Variants in NUP88 observed in about 807,000 individuals in gnomAD.
NUP88 encodes the protein nucleoporin 88.
A neutral mutation model predicts 93.9 loss-of-function variants in NUP88; 57 were observed. The observed-to-expected ratio is 0.61, with a 90% confidence interval of 0.49 to 0.76. NUP88 has a LOEUF of 0.76. Ranked by LOEUF, NUP88 falls within the 30% of genes least tolerant of loss-of-function variation. The probability of loss-of-function intolerance (pLI) is 0.00; values close to 1 mark genes in which losing one functional copy is unlikely to be tolerated. For missense variants in NUP88, 911 were observed against 901.0 expected (o/e 1.01, Z -0.14); for synonymous variants, 346 against 336.8 (o/e 1.03, Z -0.30).
chr17:5,419,151 A>T (rs897918258), intron 1 of NUP88, among the ~76,000 whole-genome samples: 1 of 152,254 alleles, frequency 6.6e-6, no homozygotes, highest in Non-Finnish European at 1.5e-5. Context: ...TTTATTGAAT[A>T]TTCAATGACC....
At position 5,410,703 on chromosome 17, in the gene NUP88, C is replaced by G. The variant is rs1260750083; in HGVS notation, c.680G>C (p.Gly227Ala). 1 of 1,566,464 alleles carries G rather than the reference C, an allele frequency of 6.4e-7. No individual in the cohort carries two copies. Among genetic ancestry groups the G allele is most frequent in the Non-Finnish European group, 8.7e-7 (1 of 1,144,002 alleles). The part of the protein sequence containing the change: ...AEEESLVLNK[G>A]RAYTASLGET... ...TTTCAAGACTCAAATAAAAACTTAC[C>G]CTTTATTGAGTACTAGACTTTCCTC... Residue 227 changes from glycine to alanine, a missense_variant and splice_region_variant, in exon 4 of 17, where the codon GGA (glycine) becomes GCA (alanine). Gly to Ala is a moderately conservative substitution (Grantham distance 60, BLOSUM62 0). Transcript: ENST00000573584.
At position 5,386,840 on chromosome 17, in the gene NUP88, A is replaced by G. The variant is rs1285792100; in HGVS notation, c.2044-14T>C. 1.3e-6 allele frequency: 2 copies of G among 1,596,992 alleles called. No individual in the cohort carries two copies. Among genetic ancestry groups the G allele is most frequent in the African/African-American group, 1.3e-5 (1 of 74,550 alleles). On this transcript the variant is annotated splice_polypyrimidine_tract_variant and intron_variant, in intron 15 of 16. Transcript: ENST00000573584. Reference sequence around the variant, plus strand: ...TTTCATAGTAACCTTAAGTATTAAAATAATAGATATTTTGGCAGTGGTTTG... The same window carrying G: ...TTTCATAGTAACCTTAAGTATTAAAGTAATAGATATTTTGGCAGTGGTTTG...
At chr17:5,398,292 T>C (rs1912911449) in intron 8 of NUP88, among the ~76,000 whole-genome samples, 1 of 151,770 alleles carries the variant, frequency 6.6e-6, no homozygotes, top group African/African-American at 2.4e-5. Context: ...TGTGTCAGTT[T>C]TTGTTTGTTT....
chr17:5,400,350 G>C (rs1434740579), intron 7 of NUP88, among the ~76,000 whole-genome samples: 3 of 151,640 alleles, frequency 2.0e-5, no homozygotes, highest in African/African-American at 7.3e-5. Flanking sequence ...ACAAAAATTA[G>C]CTGGCCGTGG....
In NUP88 at chr17:5,416,158, A is replaced by AGTATATATATAT. The variant is rs1398677145; in HGVS notation, c.467+354_467+355insATATATATATAC. On this transcript the variant is annotated intron_variant, in intron 2 of 16. Coordinates refer to ENST00000573584, the MANE Select transcript of NUP88 (RefSeq NM_002532.6). ...AGACTCCATCTCAAAAAAAAAAAAA[A>AGTATATATATAT]AAAAAAAAGTATATATATATATACA... Among the ~76,000 whole-genome samples the AGTATATATATAT allele has an allele frequency of 8.4e-3, 784 of 93,238 alleles. 20 individuals are homozygous for AGTATATATATAT. The highest frequency in any genetic ancestry group is 0.081 in the East Asian group (135 of 1,674). 61.2% of individuals were successfully genotyped at this position (93,238 alleles called of 152,430 possible). A position where few individuals can be genotyped will look rare whatever the true frequency, so the allele number is the denominator to read the frequency against.
chr17:5,403,087 T>C (rs1022798988), intron 7 of NUP88, among the ~76,000 whole-genome samples: 1 of 152,198 alleles, frequency 6.6e-6, no homozygotes, highest in Non-Finnish European at 1.5e-5. Flanking sequence ...TCACATCTGT[T>C]ATCCCAGTAC....
intron 11 of NUP88, chr17:5,388,572 G>C: frequency 2.5e-6 from 1 of 398,512 alleles, no homozygotes; most frequent in Non-Finnish European, 4.5e-6. Context: ...ACAGGTGTGA[G>C]CCACCACGCC....
At position 5,386,013 on chromosome 17, in the gene NUP88, G is replaced by A; in HGVS notation, c.*193C>T. 1.9e-6 allele frequency: 1 copy of A among 538,698 alleles called. No homozygotes were observed. The highest frequency in any genetic ancestry group is 3.2e-6 in the Non-Finnish European group (1 of 308,658). The allele number at this position is 538,698 out of a possible 1,614,324, so 33.4% of individuals were successfully genotyped here. On this transcript the variant is annotated 3_prime_UTR_variant, in exon 17 of 17. Coordinates refer to ENST00000573584, the MANE Select transcript of NUP88 (RefSeq NM_002532.6). ...TTGCTGAACACAACTGTAGGCTTGA[G>A]TTATAAAGCACATTCCAAATTTTAA...
chr17:5,391,557 G>A lies in NUP88; in HGVS notation c.1484+4C>T, dbSNP rs377758868. On this transcript the variant is annotated splice_donor_region_variant and intron_variant, in intron 10 of 16. Coordinates refer to ENST00000573584, the MANE Select transcript of NUP88 (RefSeq NM_002532.6). ...CTGTGTGGAGAATATAAAATGGGAC[G>A]TACAATAACGGCCATATGAGGCATT... is the stretch of plus-strand genomic sequence containing the variant. 133 of 1,606,984 alleles carry A rather than the reference G, an allele frequency of 8.3e-5. No individual in the cohort carries two copies. The highest frequency in any genetic ancestry group is 4.5e-4 in the Admixed American group (27 of 59,984).
intron 14 of NUP88, 35 bp downstream of exon 14, chr17:5,387,351 T>G (rs760054502): frequency 1.9e-6 from 3 of 1,556,388 alleles, no homozygotes; most frequent in Non-Finnish European, 2.7e-6. Flanking sequence ...TGTTAGTACC[T>G]GACTAGGTAA....
Position 5,388,849 on chromosome 17 carries a change from A to G in NUP88, c.1596T>C (p.His532=). The change falls in exon 11 of 17, where the codon CAT becomes CAC. Residue 532 remains histidine, a synonymous_variant. Transcript: ENST00000573584. ...CACTACGTTGCAAAATGCTTCTAAT[A>G]TGCTTTTCAAAGGAATCTGGGGTTT... ...LAETPDSFEK[H]IRSILQRSVA... The G allele has an allele frequency of 6.2e-7, 1 of 1,614,108 alleles. No individual in the cohort carries two copies. Among genetic ancestry groups the G allele is most frequent in the Non-Finnish European group, 8.5e-7 (1 of 1,179,990 alleles).
rs763054082 is a variant in NUP88, at chr17:5,408,825, T to G, written c.765A>C (p.Gly255=). Residue 255 remains glycine (G), a synonymous_variant, in exon 5 of 17, where the codon GGA becomes GGC. Transcript: ENST00000573584. ...CCACTACTTCATCTTTGCCGTTTTG[T>G]CCAAATAGAGTCTTTGGGACTGCTG... is the stretch of plus-strand genomic sequence containing the variant. ...PLAAVPKTLF[G]QNGKDEVVAY... 15 of 1,613,974 alleles carry G rather than the reference T, an allele frequency of 9.3e-6. No individual in the cohort carries two copies. The African/African-American group carries it at 1.1e-4, about 11-fold the overall frequency.
At chr17:5,392,574 T>C (rs1247181572) in intron 9 of NUP88, among the ~76,000 whole-genome samples, 2 of 152,204 alleles carry the variant, frequency 1.3e-5, no homozygotes, top group Non-Finnish European at 2.9e-5. Context: ...ATACACTATG[T>C]AACCAGTATC....
intron 9 of NUP88, among the ~76,000 whole-genome samples, chr17:5,394,226 A>C (rs1250179898): frequency 2.0e-5 from 3 of 152,186 alleles, no homozygotes; most frequent in Non-Finnish European, 2.9e-5. Context: ...ACCTAGAAAG[A>C]ATAGAGAAGA....
chr17:5,405,123 G>A lies in NUP88; in HGVS notation c.978C>T (p.Ile326=), dbSNP rs769510503. 7.4e-6 allele frequency: 12 copies of A among 1,614,110 alleles called. No homozygotes were observed. The South Asian group carries it at 7.7e-5, about 10-fold the overall frequency. The change falls in exon 6 of 17, where the codon ATC becomes ATT. Residue 326 remains isoleucine (I), a synonymous_variant. Coordinates refer to ENST00000573584, the MANE Select transcript of NUP88 (RefSeq NM_002532.6). ...CLPCVPNILV[I]ATESGMLYHC... is the part of the protein sequence containing the mutation. Reference sequence around the variant, plus strand: ...GATACAGCATTCCTGATTCAGTAGCGATCACTAAGATATTGGGGACACAGG... The same window carrying A: ...GATACAGCATTCCTGATTCAGTAGCAATCACTAAGATATTGGGGACACAGG...
intron 1 of NUP88, among the ~76,000 whole-genome samples, chr17:5,418,868 G>C (rs1914381079): frequency 6.6e-6 from 1 of 152,044 alleles, no homozygotes; most frequent in Non-Finnish European, 1.5e-5. Flanking sequence ...CCCCATTTTG[G>C]GTATGGCTTT....
rs1567581508 is a variant in NUP88 at position 5,419,495 on chromosome 17, C to A, written c.156G>T (p.Pro52=). 6.2e-7 allele frequency: 1 copy of A among 1,614,008 alleles called. No homozygotes were observed. Among genetic ancestry groups the A allele is most frequent in the Admixed American group, 1.7e-5 (1 of 60,028 alleles). ...CCACGTTTCTCGTCAGCAACTGCGGCGGCGGCGACGAAGGCAACGACGAAG... is the reference window on the plus strand; with the variant it reads ...CCACGTTTCTCGTCAGCAACTGCGGAGGCGGCGACGAAGGCAACGACGAAG... ...PASSSLPSSP[P]PQLLTRNVVF... The change falls in exon 1 of 17, where the codon CCG becomes CCT. Residue 52 remains proline, a synonymous_variant. Coordinates refer to ENST00000573584, the MANE Select transcript of NUP88 (RefSeq NM_002532.6).
chr17:5,387,160 G>A (rs2144757795), intron 14 of NUP88, 50 bp from the exon 15 acceptor site: 1 of 1,587,278 alleles, frequency 6.3e-7, no homozygotes, highest in Non-Finnish European at 8.6e-7. Context: ...TACTAATTAG[G>A]AGAAACATAA....
rs533891213 is a variant in NUP88, at chr17:5,385,578, T to C, written c.*628A>G. On this transcript the variant is annotated 3_prime_UTR_variant, in exon 17 of 17. Coordinates refer to ENST00000573584, the MANE Select transcript of NUP88 (RefSeq NM_002532.6). ...AACCTATTTTTTTCTCCCTTTAAGG[T>C]GCTAAACTTGCACCTCATGTCCACT... is the stretch of plus-strand genomic sequence containing the variant. 4.3e-6 allele frequency: 1 copy of C among 230,926 alleles called. No individual in the cohort carries two copies. The highest frequency in any genetic ancestry group is 5.7e-5 in the Admixed American group (1 of 17,690). The allele number at this position is 230,926 out of a possible 1,614,324, so 14.3% of individuals were successfully genotyped here.
Sources: gnomAD v4.1 joint callset for allele counts (sites outside exome capture counted in the v4.1 genomes callset) on GRCh38, gnomAD v4.1.1 for gene constraint, MANE v1.5 for transcripts, NCBI Gene and HGNC (gene_info 2026-07-23, HGNC 2026-07-21) for gene names.